KDM5B: variants seen among roughly 807,000 people sequenced by gnomAD.
KDM5B encodes the protein lysine demethylase 5B.
A neutral mutation model predicts 193.4 loss-of-function variants in KDM5B; 144 were observed. The ratio of observed to expected loss-of-function variants is 0.74; its 90% CI spans 0.65 to 0.86. KDM5B has a LOEUF of 0.86. Ranked by LOEUF, KDM5B falls within the 40% of genes least tolerant of loss-of-function variation. The pLI is 0.00. For missense variants in KDM5B, 1,833 were observed against 1,886.9 expected (o/e 0.97, Z 0.53); for synonymous variants, 668 against 682.6 (o/e 0.98, Z 0.33).
intron 2 of KDM5B, among the ~76,000 whole-genome samples, chr1:202,776,395 A>G (rs557675441): frequency 6.6e-6 from 1 of 152,150 alleles, no homozygotes; most frequent in South Asian, 2.1e-4. Flanking sequence ...AGTGTTTAAA[A>G]TTATATGGCA....
At chr1:202,745,771 T>G in intron 16 of KDM5B, 87 bp downstream of exon 16, 1 of 1,480,224 alleles carries the variant, frequency 6.8e-7, no homozygotes, top group South Asian at 1.1e-5. Context: ...TCAGGCTGTT[T>G]CAAGAAATGT....
At chr1:202,765,292 T>TA (rs1656406907) in intron 5 of KDM5B, among the ~76,000 whole-genome samples, 1 of 152,366 alleles carries the variant, frequency 6.6e-6, no homozygotes, top group East Asian at 1.9e-4. Flanking sequence ...ATTGAGGGTA[T>TA]AGAAGCCAAT....
At chr1:202,754,743 T>C (rs765872293) in intron 11 of KDM5B, among the ~76,000 whole-genome samples, 1 of 152,184 alleles carries the variant, frequency 6.6e-6, no homozygotes, top group African/African-American at 2.4e-5. Flanking sequence ...AGTGCAATGG[T>C]GCGGTCTCTT....
rs540677555 is a variant in KDM5B, at chr1:202,753,386, T to C, written c.1539-319A>G. On this transcript the variant is annotated intron_variant, in intron 11 of 26. Transcript: ENST00000367265. ...GGCAGGCACCTGTAATCCCAGCTAC[T>C]TGGGAGGCTGAGGCAGAAGATTCAC... Among the ~76,000 whole-genome samples the C allele has an allele frequency of 3.9e-5, 6 of 152,162 alleles. No individual in the cohort carries two copies. In the East Asian group the frequency reaches 7.7e-4, roughly 20 times the overall value.
intron 1 of KDM5B, among the ~76,000 whole-genome samples, chr1:202,807,640 G>A (rs1015301176): frequency 1.3e-5 from 2 of 149,908 alleles, no homozygotes; most frequent in African/African-American, 2.5e-5. Context: ...CAACTCGCAA[G>A]TCCCCCACCC....
intron 4 of KDM5B, among the ~76,000 whole-genome samples, chr1:202,770,797 A>G (rs1160874649): frequency 4.6e-5 from 7 of 152,162 alleles, no homozygotes; most frequent in Non-Finnish European, 1.0e-4. Context: ...GAGTGATTTT[A>G]TTTTTGCCAT....
intron 12 of KDM5B, among the ~76,000 whole-genome samples, chr1:202,752,569 T>C (rs1445972397): frequency 1.3e-5 from 2 of 152,202 alleles, no homozygotes; most frequent in Non-Finnish European, 2.9e-5. Flanking sequence ...CCTCTAGACT[T>C]TTCAGTCAGA....
At position 202,724,734 on chromosome 1, in the gene KDM5B, TTGTG is replaced by T. The variant is rs1553347958; in HGVS notation, c.*4298_*4301del. ...TGTCCTGATCATACACAGAAGGGGCTTGTGTGTGTGTTTGTGTGTGTGTGTGTGT... is the reference window on the plus strand; with the variant it reads ...TGTCCTGATCATACACAGAAGGGGCTTGTGTGTTTGTGTGTGTGTGTGTGT... On this transcript the variant is annotated 3_prime_UTR_variant, in exon 27 of 27. Coordinates refer to ENST00000367265, the MANE Select transcript of KDM5B (RefSeq NM_006618.5). 1.0e-5 allele frequency: 1 copy of T among 99,042 alleles called. No homozygotes were observed. Among genetic ancestry groups the T allele is most frequent in the Admixed American group, 1.5e-4 (1 of 6,830 alleles). The allele number at this position is 99,042 out of a possible 1,614,324, so 6.1% of individuals were successfully genotyped here.
intron 4 of KDM5B, 173 bp from the exon 5 acceptor site, chr1:202,767,233 G>A (rs970789259): frequency 1.9e-6 from 3 of 1,580,030 alleles, no homozygotes; most frequent in Non-Finnish European, 1.7e-6. Flanking sequence ...ACACCCTTAT[G>A]TTTTAAGCAG....
chr1:202,764,810 C>CT (rs80205205), intron 5 of KDM5B, among the ~76,000 whole-genome samples: 8,966 of 152,138 alleles, frequency 0.059, 455 homozygotes, highest in East Asian at 0.25. Context: ...AAAACCCCAT[C>CT]TCTAACTAAA....
intron 2 of KDM5B, 81 bp from the exon 3 acceptor site, chr1:202,774,816 A>C: frequency 7.1e-7 from 1 of 1,402,186 alleles, no homozygotes; most frequent in Admixed American, 2.2e-5. Context: ...TCTTTCACAG[A>C]ATATTTAAGT....
At chr1:202,792,841 A>T (rs1657694332) in intron 1 of KDM5B, among the ~76,000 whole-genome samples, 1 of 151,850 alleles carries the variant, frequency 6.6e-6, no homozygotes, top group African/African-American at 2.4e-5. Context: ...TAAAAATACA[A>T]AAAAAATTAG....
chr1:202,794,704 G>A (rs1657767672), intron 1 of KDM5B, among the ~76,000 whole-genome samples: 1 of 152,170 alleles, frequency 6.6e-6, no homozygotes, highest in African/African-American at 2.4e-5. Flanking sequence ...CCACATTAAA[G>A]TCACAATAGA....
Position 202,766,907 on chromosome 1 carries a change from A to G in KDM5B, c.711+19T>C, listed in dbSNP as rs200546378. On this transcript the variant is annotated intron_variant, in intron 5 of 26. Coordinates refer to ENST00000367265, the MANE Select transcript of KDM5B (RefSeq NM_006618.5). ...AGGGCTTGAGAATTCCTTTTAAATTAACCTCATGAGGCTCTTACCTCTGCT... is the reference window on the plus strand; with the variant it reads ...AGGGCTTGAGAATTCCTTTTAAATTGACCTCATGAGGCTCTTACCTCTGCT... The G allele has an allele frequency of 1.4e-3, 2,243 of 1,559,148 alleles. 6 individuals carry two copies. The highest frequency in any genetic ancestry group is 1.7e-3 in the Non-Finnish European group (2,024 of 1,161,520).
chr1:202,772,072 G>A (rs551159120), intron 4 of KDM5B, among the ~76,000 whole-genome samples: 119 of 152,286 alleles, frequency 7.8e-4, no homozygotes, highest in Non-Finnish European at 1.3e-3. Context: ...GTTTGTGTGT[G>A]TATAGTATTA....
intron 4 of KDM5B, among the ~76,000 whole-genome samples, chr1:202,772,511 A>G (rs1656762140): frequency 6.6e-6 from 1 of 152,198 alleles, no homozygotes; most frequent in Non-Finnish European, 1.5e-5. Context: ...AGCCAGGAAT[A>G]CTTTAGCTAC....
chr1:202,773,637 C>G (rs553520544), intron 3 of KDM5B, among the ~76,000 whole-genome samples: 2 of 152,198 alleles, frequency 1.3e-5, no homozygotes, highest in South Asian at 4.1e-4. Flanking sequence ...CTTAAATAAG[C>G]CTCCAAAAAC....
At chr1:202,760,630 T>A in intron 7 of KDM5B, 57 bp from the exon 8 acceptor site, 1 of 1,338,868 alleles carries the variant, frequency 7.5e-7, no homozygotes, top group Non-Finnish European at 1.0e-6. Flanking sequence ...TTTGATTTTC[T>A]AAAATTCTAG....
At chr1:202,763,676 T>C (rs1656338000) in intron 6 of KDM5B, among the ~76,000 whole-genome samples, 1 of 152,254 alleles carries the variant, frequency 6.6e-6, no homozygotes, top group African/African-American at 2.4e-5. Flanking sequence ...CATGTCTGTT[T>C]GCCTTGCCTG....
Sources: allele counts gnomAD v4.1 joint callset (sites outside exome capture counted in the v4.1 genomes callset), GRCh38; gene constraint gnomAD v4.1.1; transcripts MANE v1.5; gene names NCBI Gene and HGNC (gene_info 2026-07-23, HGNC 2026-07-21).